Variants in DLC1 observed in about 807,000 individuals in gnomAD.
The protein encoded by DLC1 is DLC1 Rho GTPase activating protein, also known as rho GTPase-activating protein 7.
Under a neutral mutation model 140.3 loss-of-function variants are expected in DLC1, and 54 were observed. The observed-to-expected ratio is 0.38, with a 90% CI of 0.31 to 0.48. The LOEUF (loss-of-function observed/expected upper bound fraction) is 0.48. Among genes scored for constraint, DLC1 ranks in the 20% least tolerant of loss-of-function variants. The pLI, the probability that DLC1 is intolerant of heterozygous loss-of-function variation, is 0.96. For missense variants in DLC1, 2,536 were observed against 1,907.0 expected (o/e 1.33, Z -6.14); for synonymous variants, 986 against 728.1 (o/e 1.35, Z -5.70).
intron 5 of DLC1, among the ~76,000 whole-genome samples, chr8:13,255,639 A>G (rs912398479): frequency 6.6e-6 from 1 of 152,134 alleles, no homozygotes; most frequent in Non-Finnish European, 1.5e-5. Flanking sequence ...GCCAGCTTTC[A>G]CTGTCTCTGC....
intron 4 of DLC1, among the ~76,000 whole-genome samples, chr8:13,320,123 C>A (rs1053079216): frequency 6.6e-6 from 1 of 152,068 alleles, no homozygotes; most frequent in South Asian, 2.1e-4. Flanking sequence ...TTATTTAATT[C>A]TATAACCTTA....
At chr8:13,432,079 C>A (rs1041404939) in intron 2 of DLC1, among the ~76,000 whole-genome samples, 2 of 152,090 alleles carry the variant, frequency 1.3e-5, no homozygotes, top group Non-Finnish European at 2.9e-5. Flanking sequence ...GGAAAGTATT[C>A]TTTGGTTGAT....
chr8:13,114,856 T>C (rs184248910), intron 6 of DLC1, among the ~76,000 whole-genome samples: 197 of 152,326 alleles, frequency 1.3e-3, no homozygotes, highest in Middle Eastern at 0.01. Context: ...TATCAAGCGT[T>C]GAGGGAATGT....
intron 4 of DLC1, among the ~76,000 whole-genome samples, chr8:13,375,498 A>G (rs1835934860): frequency 6.6e-6 from 1 of 152,068 alleles, no homozygotes; most frequent in Non-Finnish European, 1.5e-5. Flanking sequence ...AATATCCTTT[A>G]TTTCTTTCTC....
At chr8:13,407,055 T>C (rs1054030574) in intron 2 of DLC1, among the ~76,000 whole-genome samples, 2 of 152,236 alleles carry the variant, frequency 1.3e-5, no homozygotes, top group African/African-American at 4.8e-5. Flanking sequence ...TTTCCACTTG[T>C]GTCTCTTTCA....
At chr8:13,127,635 G>A (rs962478442) in intron 5 of DLC1, among the ~76,000 whole-genome samples, 1 of 152,228 alleles carries the variant, frequency 6.6e-6, no homozygotes, top group Non-Finnish European at 1.5e-5. Context: ...GGGCAGCACC[G>A]TGCATGGGCC....
intron 6 of DLC1, among the ~76,000 whole-genome samples, chr8:13,114,012 T>C (rs1221792295): frequency 2.0e-5 from 3 of 152,238 alleles, no homozygotes; most frequent in South Asian, 2.1e-4. Flanking sequence ...CATTAGTTCA[T>C]AGCTGTAATT....
chr8:13,375,229 G>C (rs1202974769), intron 4 of DLC1, among the ~76,000 whole-genome samples: 3 of 151,974 alleles, frequency 2.0e-5, no homozygotes, highest in Non-Finnish European at 2.9e-5. Context: ...GGGTTTCACT[G>C]TGTTAGCCAG....
At chr8:13,270,131 A>C (rs1830871930) in intron 5 of DLC1, among the ~76,000 whole-genome samples, 1 of 152,186 alleles carries the variant, frequency 6.6e-6, no homozygotes, top group African/African-American at 2.4e-5. Context: ...CATTTGAAAT[A>C]GAGAACTTCC....
intron 4 of DLC1, among the ~76,000 whole-genome samples, chr8:13,320,404 A>T (rs1426649832): frequency 6.6e-6 from 1 of 152,188 alleles, no homozygotes; most frequent in Non-Finnish European, 1.5e-5. Flanking sequence ...TCATCTAATT[A>T]TCTATCTTTT....
chr8:13,409,067 C>T (rs567133198), intron 2 of DLC1, among the ~76,000 whole-genome samples: 5 of 152,036 alleles, frequency 3.3e-5, no homozygotes, highest in African/African-American at 1.2e-4. Context: ...TTTCTACCGG[C>T]ACTGTTGTAA....
intron 2 of DLC1, among the ~76,000 whole-genome samples, chr8:13,446,386 TTTC>T (rs1039594064): frequency 6.6e-6 from 1 of 152,218 alleles, no homozygotes; most frequent in African/African-American, 2.4e-5. Flanking sequence ...ACAACACTCA[TTTC>T]TTGTTTTCAT....
intron 4 of DLC1, among the ~76,000 whole-genome samples, chr8:13,317,698 G>A (rs965203542): frequency 2.0e-5 from 3 of 152,078 alleles, no homozygotes; most frequent in Non-Finnish European, 4.4e-5. Flanking sequence ...TGATAAACAG[G>A]GAGAAAGTAT....
intron 1 of DLC1, among the ~76,000 whole-genome samples, chr8:13,529,712 C>T (rs943588197): frequency 1.3e-5 from 2 of 152,150 alleles, no homozygotes; most frequent in African/African-American, 4.8e-5. Flanking sequence ...AAAAAGGGAG[C>T]ACCTATCCTT....
At chr8:13,543,834 A>G (rs1026517602) in intron 1 of DLC1, among the ~76,000 whole-genome samples, 1 of 151,972 alleles carries the variant, frequency 6.6e-6, no homozygotes, top group Non-Finnish European at 1.5e-5. Context: ...GACTTTGGAG[A>G]CTCAGAAGAG....
At chr8:13,423,096 C>T (rs895492044) in intron 2 of DLC1, among the ~76,000 whole-genome samples, 1 of 152,144 alleles carries the variant, frequency 6.6e-6, no homozygotes, top group Non-Finnish European at 1.5e-5. Flanking sequence ...AAAGGCACAA[C>T]TAAACACAAA....
chr8:13,359,720 T>C (rs1020240812), intron 4 of DLC1, among the ~76,000 whole-genome samples: 4 of 152,202 alleles, frequency 2.6e-5, no homozygotes, highest in African/African-American at 7.2e-5. Context: ...GCTTGTTATA[T>C]ATAATAATGA....
chr8:13,356,844 TA>T (rs1834963029), intron 4 of DLC1, among the ~76,000 whole-genome samples: 1 of 151,636 alleles, frequency 6.6e-6, no homozygotes. Flanking sequence ...TTTTTTTTAT[TA>T]TTTTTTTATT....
intron 4 of DLC1, among the ~76,000 whole-genome samples, chr8:13,354,525 T>TA (rs76495858): frequency 0.89 from 135,568 of 152,016 alleles, 60,582 homozygotes; most frequent in East Asian, 1. Context: ...CTTTAGAAGT[T>TA]AAAAAAATAA....
Sources: allele counts gnomAD v4.1 joint callset (sites outside exome capture counted in the v4.1 genomes callset), GRCh38; gene constraint gnomAD v4.1.1; transcripts MANE v1.5; gene names NCBI Gene and HGNC (gene_info 2026-07-23, HGNC 2026-07-21).